ESPL1: variants seen among roughly 807,000 people sequenced by gnomAD.
ESPL1 encodes the protein separin.
Under a neutral mutation model 217.2 loss-of-function variants are expected in ESPL1, and 50 were observed. The observed-to-expected ratio is 0.23, with a 90% CI of 0.18 to 0.29. ESPL1 has a LOEUF of 0.29. Ranked by LOEUF, ESPL1 falls within the 10% of genes least tolerant of loss-of-function variation. The pLI is 1.00. For synonymous variants in ESPL1, 994 were observed against 1,081.3 expected (o/e 0.92, Z 1.58); for missense variants, 1,834 against 2,603.0 (o/e 0.70, Z 6.43).
chr12:53,286,745 G>T lies in ESPL1; in HGVS notation c.4009G>T (p.Gly1337Cys). The T allele has an allele frequency of 6.2e-7, 1 of 1,614,140 alleles. No individual in the cohort carries two copies. Among genetic ancestry groups the T allele is most frequent in the Non-Finnish European group, 8.5e-7 (1 of 1,180,020 alleles). ...PLRLNNTSQK[G>C]LEGRGLPCTP... ...GCGCCTCAATAATACCTCTCAGAAA[G>T]GTCTGGAAGGTAGAGGACTGCCCTG... Residue 1337 changes from glycine (G) to cysteine (C), a missense_variant, in exon 18 of 31, where the codon GGT (glycine) becomes TGT (cysteine). Gly to Cys is a radical substitution (Grantham distance 159, BLOSUM62 -3). Transcript: ENST00000257934. The surrounding 1 kb of genome is among the most constrained non-coding windows in gnomAD (Gnocchi z 5.3).
chr12:53,293,521 A>C lies in ESPL1; in HGVS notation c.*47A>C. 1 of 1,386,258 alleles carries C rather than the reference A, an allele frequency of 7.2e-7. No homozygotes were observed. Among genetic ancestry groups the C allele is most frequent in the Non-Finnish European group, 1.0e-6 (1 of 975,424 alleles). The allele number at this position is 1,386,258 out of a possible 1,614,324, so 85.9% of individuals were successfully genotyped here. ...ATGCTAGAAGCCTCATAACTGTTCT[A>C]CCTCCAAGGTTAGATTTAATCCTTA... On this transcript the variant is annotated 3_prime_UTR_variant, in exon 31 of 31. Transcript: ENST00000257934. This position sits in a 1 kb window ranked among gnomAD's most constrained non-coding sequence, Gnocchi z 4.2.
chr12:53,293,209 G>A lies in ESPL1; in HGVS notation c.6162-64G>A, dbSNP rs1944092887. 1.5e-6 allele frequency: 2 copies of A among 1,359,560 alleles called. No individual in the cohort carries two copies. Among genetic ancestry groups the A allele is most frequent in the East Asian group, 4.6e-5 (2 of 43,562 alleles). 84.2% of individuals were successfully genotyped at this position (1,359,560 alleles called of 1,614,324 possible). A position where few individuals can be genotyped will look rare whatever the true frequency, so the allele number is the denominator to read the frequency against. ...CCACTCACCCACCCCCACCACCAATGGTGTTTTCCTATGTATTCTGTTTTA... is the reference window on the plus strand; with the variant it reads ...CCACTCACCCACCCCCACCACCAATAGTGTTTTCCTATGTATTCTGTTTTA... On this transcript the variant is annotated intron_variant, in intron 30 of 30. Coordinates refer to ENST00000257934, the MANE Select transcript of ESPL1 (RefSeq NM_012291.5). This position sits in a 1 kb window ranked among gnomAD's most constrained non-coding sequence, Gnocchi z 4.2.
chr12:53,292,604 G>A lies in ESPL1; in HGVS notation c.5943G>A (p.Glu1981=). ...SEAGWRGVVG[E]VPRPEQVQEA... The stretch of plus-strand genomic sequence containing the variant: ...CTGGCTGGAGAGGAGTGGTTGGGGA[G>A]GTGCCAAGACCTGAACAGGTGCAGG... The change falls in exon 29 of 31, where the codon GAG becomes GAA. Residue 1981 remains glutamate (E), a synonymous_variant. Coordinates refer to ENST00000257934, the MANE Select transcript of ESPL1 (RefSeq NM_012291.5). This position sits in a 1 kb window ranked among gnomAD's most constrained non-coding sequence, Gnocchi z 4.5. 2 of 1,612,680 alleles carry A rather than the reference G, an allele frequency of 1.2e-6. No individual in the cohort carries two copies. Among genetic ancestry groups the A allele is most frequent in the Non-Finnish European group, 1.7e-6 (2 of 1,179,960 alleles).
chr12:53,274,789 G>A (rs914838845), intron 6 of ESPL1, 28 bp from the exon 7 acceptor site: 1 of 1,592,850 alleles, frequency 6.3e-7, no homozygotes, highest in African/African-American at 1.3e-5. Context: ...TTCCTCTCCA[G>A]TTTGGTCTGT....
At chr12:53,268,522 G>T (rs1235718145) in intron 1 of ESPL1, 145 bp downstream of exon 1, 2 of 510,702 alleles carry the variant, frequency 3.9e-6, no homozygotes, top group Non-Finnish European at 7.0e-6. Flanking sequence ...GGGCTGGGCC[G>T]AGGCCTCTGG....
At chr12:53,289,037 T>G in intron 20 of ESPL1, 53 bp from the exon 21 acceptor site, 1 of 1,402,120 alleles carries the variant, frequency 7.1e-7, no homozygotes, top group Non-Finnish European at 1.0e-6. Context: ...AAAGTTCCTA[T>G]CAACTATGAA....
chr12:53,291,845 C>T lies in ESPL1; in HGVS notation c.5676C>T (p.Val1892=), dbSNP rs752754787. ...GLTVPSNSHL[V]LVLDKDLQKL... is the part of the protein sequence containing the mutation. ...CAGTACCAAGCAATAGCCACCTTGT[C>T]TTGGTCCTAGACAAGGTAAGGAGCT... The change falls in exon 26 of 31, where the codon GTC becomes GTT. Residue 1892 remains valine (V), a synonymous_variant. Transcript: ENST00000257934. 6.9e-6 allele frequency: 11 copies of T among 1,588,702 alleles called. No homozygotes were observed. Among genetic ancestry groups the T allele is most frequent in the Non-Finnish European group, 9.4e-6 (11 of 1,166,526 alleles).
At chr12:53,277,429 C>T (rs372384193) in intron 9 of ESPL1, 41 bp from the exon 10 acceptor site, 22 of 1,601,096 alleles carry the variant, frequency 1.4e-5, no homozygotes, top group Middle Eastern at 3.5e-4. Flanking sequence ...GATAGGCCCA[C>T]ACCACTGTGC....
chr12:53,289,863 A>G lies in ESPL1; in HGVS notation c.5114-222A>G, dbSNP rs1215682329. Reference sequence around the variant, plus strand: ...TGCTAACATGAAACATATTCACATGATTTGAGTGCCTCACTTTGTTAGTTG... The same window carrying G: ...TGCTAACATGAAACATATTCACATGGTTTGAGTGCCTCACTTTGTTAGTTG... On this transcript the variant is annotated intron_variant, in intron 22 of 30. Transcript: ENST00000257934. 4.9e-6 allele frequency: 3 copies of G among 608,522 alleles called. No homozygotes were observed. In the African/African-American group the frequency reaches 5.6e-5, roughly 11 times the overall value. 37.7% of individuals were successfully genotyped at this position (608,522 alleles called of 1,614,324 possible).
Position 53,292,268 on chromosome 12 carries a change from TC to T in ESPL1, c.5797-8del. The stretch of plus-strand genomic sequence containing the variant: ...GACAAGCATCCTAATCGCCAGTGTC[TC>T]CTCCTCAGTATGGGGCCTCGCCAGT... On this transcript the variant is annotated splice_polypyrimidine_tract_variant and intron_variant, in intron 27 of 30. Transcript: ENST00000257934. The surrounding 1 kb of genome is among the most constrained non-coding windows in gnomAD (Gnocchi z 4.5). The T allele has an allele frequency of 6.3e-7, 1 of 1,598,054 alleles. No homozygotes were observed. The highest frequency in any genetic ancestry group is 8.6e-7 in the Non-Finnish European group (1 of 1,165,474).
chr12:53,281,432 C>T, intron 12 of ESPL1, 75 bp from the exon 13 acceptor site: 1 of 1,503,380 alleles, frequency 6.7e-7, no homozygotes. Flanking sequence ...AGCCACATGG[C>T]CACCCTTATT....
In ESPL1 at chr12:53,293,037, C is replaced by A; in HGVS notation, c.6161+67C>A. 6.7e-7 allele frequency: 1 copy of A among 1,487,824 alleles called. No homozygotes were observed. Among genetic ancestry groups the A allele is most frequent in the East Asian group, 2.3e-5 (1 of 43,952 alleles). 92.2% of individuals were successfully genotyped at this position (1,487,824 alleles called of 1,614,324 possible). On this transcript the variant is annotated intron_variant, in intron 30 of 30. Transcript: ENST00000257934. The surrounding 1 kb of genome is among the most constrained non-coding windows in gnomAD (Gnocchi z 4.2). Reference sequence around the variant, plus strand: ...TCCTGCCCTCACCCCAGGTTCTTTCCCAGGTCTGAATCTTGCCTCTCTTGT... The same window carrying A: ...TCCTGCCCTCACCCCAGGTTCTTTCACAGGTCTGAATCTTGCCTCTCTTGT...
intron 1 of ESPL1, 83 bp downstream of exon 1, chr12:53,268,460 T>G: frequency 2.9e-6 from 1 of 345,376 alleles, no homozygotes; most frequent in Non-Finnish European, 5.3e-6. Context: ...GAGGCGTGGG[T>G]GGCTCCTGGA....
At chr12:53,283,998 A>G in intron 16 of ESPL1, 60 bp from the exon 17 acceptor site, 1 of 1,271,734 alleles carries the variant, frequency 7.9e-7, no homozygotes, top group Non-Finnish European at 1.1e-6. Flanking sequence ...GGCAAAGAGA[A>G]AGACTCTCCA....
At chr12:53,287,883 T>C (rs767867554) in intron 18 of ESPL1, 89 bp from the exon 19 acceptor site, 23 of 1,314,734 alleles carry the variant, frequency 1.7e-5, no homozygotes, top group African/African-American at 2.9e-5. Flanking sequence ...TGATGGTGCC[T>C]GATGGTGCCT....
In ESPL1 at chr12:53,272,590, C is replaced by T; in HGVS notation, c.1370-131C>T. ...AGAGCCGCCCCTTCCCCATTCCTAG[C>T]AGTAGGGGTTCCTGTCTGATCTGGA... is the stretch of plus-strand genomic sequence containing the variant. On this transcript the variant is annotated intron_variant, in intron 5 of 30. Coordinates refer to ENST00000257934, the MANE Select transcript of ESPL1 (RefSeq NM_012291.5). 3 of 1,016,084 alleles carry T rather than the reference C, an allele frequency of 3.0e-6. No homozygotes were observed. In the South Asian group the frequency reaches 4.7e-5, roughly 16 times the overall value. The allele number at this position is 1,016,084 out of a possible 1,614,324, so 62.9% of individuals were successfully genotyped here.
Position 53,293,195 on chromosome 12 carries a change from C to A in ESPL1, c.6162-78C>A, listed in dbSNP as rs1420340230. On this transcript the variant is annotated intron_variant, in intron 30 of 30. Transcript: ENST00000257934. This position sits in a 1 kb window ranked among gnomAD's most constrained non-coding sequence, Gnocchi z 4.2. ...TGGTTCAATCCTCTCCACTCACCCA[C>A]CCCCACCACCAATGGTGTTTTCCTA... 4.7e-6 allele frequency: 6 copies of A among 1,264,704 alleles called. No individual in the cohort carries two copies. The highest frequency in any genetic ancestry group is 5.8e-6 in the Non-Finnish European group (5 of 868,094). The allele number at this position is 1,264,704 out of a possible 1,614,324, so 78.3% of individuals were successfully genotyped here.
chr12:53,278,813 TCTC>T lies in ESPL1; in HGVS notation c.2364+857_2364+859del, dbSNP rs1943814849. 4.0e-5 allele frequency among the ~76,000 whole-genome samples: 6 copies of T among 151,732 alleles called. No individual in the cohort carries two copies. The South Asian group carries it at 1.2e-3, about 32-fold the overall frequency. Reference sequence around the variant, plus strand: ...ACCATATTGGCCAGGCCGGTCTCGATCTCCTCAGGTGATCCACCCGCCTCAGCC... The same window carrying T: ...ACCATATTGGCCAGGCCGGTCTCGATCTCAGGTGATCCACCCGCCTCAGCC... On this transcript the variant is annotated intron_variant, in intron 11 of 30. Coordinates refer to ENST00000257934, the MANE Select transcript of ESPL1 (RefSeq NM_012291.5).
At position 53,270,407 on chromosome 12, in the gene ESPL1, G is replaced by A. The variant is rs1943647969; in HGVS notation, c.1173G>A (p.Gln391=). ...GVYGGSSKQQ[Q]SFLQMYFQGL... ...ATGGGGGCTCCTCCAAGCAACAGCA[G>A]TCTTTTCTTCAGATGTACTTTCAGG... Residue 391 remains glutamine, a synonymous_variant, in exon 4 of 31, where the codon CAG becomes CAA. Coordinates refer to ENST00000257934, the MANE Select transcript of ESPL1 (RefSeq NM_012291.5). 2 of 1,613,796 alleles carry A rather than the reference G, an allele frequency of 1.2e-6. No individual in the cohort carries two copies. Among genetic ancestry groups the A allele is most frequent in the Admixed American group, 3.3e-5 (2 of 59,964 alleles).
Sources: gnomAD v4.1 joint callset for allele counts (sites outside exome capture counted in the v4.1 genomes callset) on GRCh38, gnomAD v4.1.1 for gene constraint, Gnocchi (gnomAD v3.1) non-coding constraint, MANE v1.5 for transcripts, NCBI Gene and HGNC (gene_info 2026-07-23, HGNC 2026-07-21) for gene names.